The following ADCY10 variants were observed in gnomAD, a reference collection of about 807,000 sequenced individuals.
ADCY10 encodes adenylate cyclase 10.
A neutral mutation model predicts 183.3 loss-of-function variants in ADCY10; 156 were observed. That is an observed-to-expected ratio of 0.85 (90% CI 0.75 to 0.97). ADCY10 has a LOEUF of 0.97. ADCY10 is among the 50% of genes least tolerant of loss of function. The pLI is 0.00. For synonymous variants in ADCY10, 645 were observed against 670.0 expected (o/e 0.96, Z 0.58); for missense variants, 1,745 against 1,934.3 (o/e 0.90, Z 1.84).
chr1:167,860,970 A>T lies in ADCY10; in HGVS notation c.1710T>A (p.Cys570Ter). The T allele has an allele frequency of 6.2e-7, 1 of 1,614,138 alleles. No individual in the cohort carries two copies. Among genetic ancestry groups the T allele is most frequent in the East Asian group, 2.2e-5 (1 of 44,880 alleles). The change falls in exon 15 of 33, where the codon TGT (cysteine) becomes TGA (stop). Residue 570 changes from cysteine to a stop codon, truncating the protein, a stop_gained. Coordinates refer to ENST00000367851, the MANE Select transcript of ADCY10 (RefSeq NM_018417.6). LOFTEE classifies it high-confidence loss of function. Reference protein sequence around the residue: ...FMANVLGLDTCKHYKERQTNL... With the variant: ...FMANVLGLDT ...TGGTCTGTCGTTCTTTATAATGTTT[A>T]CAAGTGTCTAGGCCTAGGACATTGG...
Position 167,824,502 on chromosome 1 carries a change from A to G in ADCY10, c.4026T>C (p.Leu1342=). ...TGCTGTTCAGAAGGAGACATCTGCT[A>G]AGTCTGCAGAGGGACTGATAATGTC... ...PNRHYQSLCR[L]SRCLLLNSRY... Residue 1342 remains leucine (L), a synonymous_variant, in exon 28 of 33, where the codon CTT becomes CTC. Transcript: ENST00000367851. The G allele has an allele frequency of 1.9e-6, 3 of 1,614,148 alleles. No homozygotes were observed. Among genetic ancestry groups the G allele is most frequent in the Non-Finnish European group, 2.5e-6 (3 of 1,179,986 alleles).
At chr1:167,840,215 G>A (rs914441632) in intron 21 of ADCY10, among the ~76,000 whole-genome samples, 6 of 149,522 alleles carry the variant, frequency 4.0e-5, no homozygotes, top group Admixed American at 6.7e-5. Flanking sequence ...CTGGGCAACA[G>A]AGCAAGACCC....
rs773492387 is a variant in ADCY10, at chr1:167,824,747, G to T, written c.3859C>A (p.Leu1287Met). The stretch of plus-strand genomic sequence containing the variant: ...ACGATTTCAATGCCCTCGCCTTTCA[G>T]GGGGAGGTTGAAGATGTGCTCCATG... The part of the protein sequence containing the change: ...MAMEHIFNLP[L>M]KGEGIEIVAY... The change falls in exon 27 of 33, where the codon CTG becomes ATG. Residue 1287 changes from leucine to methionine, a missense_variant. Physicochemically the swap from Leu to Met is conservative, Grantham distance 15. Transcript: ENST00000367851. 7 of 1,614,102 alleles carry T rather than the reference G, an allele frequency of 4.3e-6. No individual in the cohort carries two copies. In the African/African-American group the frequency reaches 8.0e-5, roughly 18 times the overall value.
chr1:167,849,083 G>A (rs1192844589), intron 18 of ADCY10, among the ~76,000 whole-genome samples: 5 of 151,994 alleles, frequency 3.3e-5, no homozygotes, highest in Non-Finnish European at 2.9e-5. Flanking sequence ...CTTTACAAAC[G>A]TTTGATTCAC....
intron 8 of ADCY10, among the ~76,000 whole-genome samples, chr1:167,890,088 T>C (rs1289290269): frequency 6.6e-6 from 1 of 152,216 alleles, no homozygotes; most frequent in Non-Finnish European, 1.5e-5. Flanking sequence ...GGTGAGGTCA[T>C]GTTTTCCTGG....
rs180798157 is a variant in ADCY10, at chr1:167,869,723, C to T, written c.1616+534G>A. Among the ~76,000 whole-genome samples the T allele has an allele frequency of 3.0e-3, 450 of 152,324 alleles. 2 individuals are homozygous for T. Among genetic ancestry groups the T allele is most frequent in the African/African-American group, 0.01 (432 of 41,578 alleles). The stretch of plus-strand genomic sequence containing the variant: ...TCACGTACCCCCTGGCTTACTCAAT[C>T]GATCACGACCCTCTCATGCAGACCC... On this transcript the variant is annotated intron_variant, in intron 14 of 32. Coordinates refer to ENST00000367851, the MANE Select transcript of ADCY10 (RefSeq NM_018417.6).
chr1:167,852,130 A>G (rs1298241309), intron 18 of ADCY10, among the ~76,000 whole-genome samples: 1 of 152,098 alleles, frequency 6.6e-6, no homozygotes, highest in African/African-American at 2.4e-5. Context: ...TAGAGAAGAC[A>G]CCTGATTGTG....
chr1:167,906,602 A>G (rs1003137796), intron 1 of ADCY10, among the ~76,000 whole-genome samples: 2 of 148,058 alleles, frequency 1.4e-5, no homozygotes, highest in South Asian at 2.2e-4. Flanking sequence ...CTTGGGCAAC[A>G]TAGTGAAATC....
intron 14 of ADCY10, among the ~76,000 whole-genome samples, chr1:167,862,426 G>A (rs1394330803): frequency 1.3e-5 from 2 of 152,108 alleles, no homozygotes; most frequent in Admixed American, 1.3e-4. Context: ...GCTTCTACAA[G>A]CCATCTTTGG....
intron 11 of ADCY10, 133 bp downstream of exon 11, chr1:167,879,982 C>T: frequency 1.3e-6 from 1 of 766,788 alleles, no homozygotes; most frequent in Non-Finnish European, 2.3e-6. Context: ...TGGCTTGGCT[C>T]CATCTGGAAG....
chr1:167,859,187 T>C (rs1247485655), intron 16 of ADCY10, among the ~76,000 whole-genome samples: 5 of 152,292 alleles, frequency 3.3e-5, no homozygotes, highest in African/African-American at 1.2e-4. Flanking sequence ...TACAAGGCTC[T>C]TAGGAATATG....
intron 29 of ADCY10, 132 bp downstream of exon 29, chr1:167,822,876 C>G: frequency 2.5e-6 from 2 of 789,124 alleles, no homozygotes; most frequent in Non-Finnish European, 4.5e-6. Flanking sequence ...ACCAGCCTCT[C>G]TCCATCCCTG....
intron 14 of ADCY10, among the ~76,000 whole-genome samples, chr1:167,867,133 G>A (rs559236085): frequency 6.6e-6 from 1 of 152,308 alleles, no homozygotes; most frequent in African/African-American, 2.4e-5. Flanking sequence ...GTATCAGAGA[G>A]CCCAGTTAAA....
intron 31 of ADCY10, among the ~76,000 whole-genome samples, chr1:167,817,071 G>T (rs1190680308): frequency 6.6e-6 from 1 of 152,014 alleles, no homozygotes; most frequent in African/African-American, 2.4e-5. Context: ...TTAAGAAGTG[G>T]TGTTGTTTTG....
chr1:167,814,573 C>T (rs914058366), intron 31 of ADCY10, among the ~76,000 whole-genome samples: 1 of 151,916 alleles, frequency 6.6e-6, no homozygotes, highest in Admixed American at 6.6e-5. Flanking sequence ...TAGTTGGAGA[C>T]TTCACTAACA....
intron 29 of ADCY10, among the ~76,000 whole-genome samples, chr1:167,822,676 A>T (rs959154510): frequency 6.6e-6 from 1 of 152,202 alleles, no homozygotes; most frequent in Non-Finnish European, 1.5e-5. Flanking sequence ...CTCTAAGTAC[A>T]TCCTGCTAAA....
intron 19 of ADCY10, among the ~76,000 whole-genome samples, chr1:167,846,936 T>TC (rs1665077318): frequency 6.6e-6 from 1 of 152,106 alleles, no homozygotes; most frequent in African/African-American, 2.4e-5. Context: ...TCCTCTTTTT[T>TC]TTTTTTTGAG....
intron 16 of ADCY10, among the ~76,000 whole-genome samples, chr1:167,858,741 C>A (rs902189658): frequency 6.6e-6 from 1 of 152,096 alleles, no homozygotes; most frequent in African/African-American, 2.4e-5. Flanking sequence ...TAAAAAAAAT[C>A]TTTTGGCTTT....
At position 167,837,409 on chromosome 1, in the gene ADCY10, T is replaced by A. The variant is rs1034463; in HGVS notation, c.3008-91A>T. ...TCTACCCAAGACTCTTGTTCCCTTT[T>A]CGGAGTTGTTGCTGCCCAGCCAGAA... On this transcript the variant is annotated intron_variant, in intron 21 of 32. Transcript: ENST00000367851. The A allele has an allele frequency of 0.67, 801,205 of 1,203,410 alleles. 269,541 individuals carry two copies. Among genetic ancestry groups the A allele is most frequent in the African/African-American group, 0.91 (60,441 of 66,626 alleles). 74.5% of individuals were successfully genotyped at this position (1,203,410 alleles called of 1,614,324 possible).
Sources: allele counts gnomAD v4.1 joint callset (sites outside exome capture counted in the v4.1 genomes callset), GRCh38; gene constraint gnomAD v4.1.1; transcripts MANE v1.5; gene names NCBI Gene and HGNC (gene_info 2026-07-23, HGNC 2026-07-21).